PGAP1: variants seen among roughly 807,000 people sequenced by gnomAD.
The protein encoded by PGAP1 is GPI inositol-deacylase.
In PGAP1, 76 loss-of-function variants were observed where a neutral mutation model predicts 127.0. The ratio of observed to expected loss-of-function variants is 0.60; its 90% confidence interval spans 0.50 to 0.72. PGAP1 has a LOEUF of 0.72. Among genes scored for constraint, PGAP1 ranks in the 30% least tolerant of loss-of-function variants. PGAP1 has a pLI of 0.00. For synonymous variants in PGAP1, 362 were observed against 366.5 expected (o/e 0.99, Z 0.14); for missense variants, 982 against 1,071.3 (o/e 0.92, Z 1.16).
At chr2:196,884,203 C>T (rs1486726704) in intron 12 of PGAP1, among the ~76,000 whole-genome samples, 2 of 151,960 alleles carry the variant, frequency 1.3e-5, no homozygotes, top group African/African-American at 2.4e-5. Context: ...TTAATCTATA[C>T]AATTCATCCA....
chr2:196,842,711 A>G lies in PGAP1; in HGVS notation c.2630+10T>C. 7.1e-7 allele frequency: 1 copy of G among 1,414,568 alleles called. No individual in the cohort carries two copies. Among genetic ancestry groups the G allele is most frequent in the Non-Finnish European group, 9.7e-7 (1 of 1,034,214 alleles). 87.6% of individuals were successfully genotyped at this position (1,414,568 alleles called of 1,614,324 possible). ...CAGATATAAGAAAAAGAAAGATTAAACTACTGTACCTTGATTTTATTGAAA... is the reference window on the plus strand; with the variant it reads ...CAGATATAAGAAAAAGAAAGATTAAGCTACTGTACCTTGATTTTATTGAAA... On this transcript the variant is annotated intron_variant, in intron 26 of 26. Coordinates refer to ENST00000354764, the MANE Select transcript of PGAP1 (RefSeq NM_024989.4).
At chr2:196,850,195 G>A (rs188929048) in intron 20 of PGAP1, among the ~76,000 whole-genome samples, 41 of 152,282 alleles carry the variant, frequency 2.7e-4, no homozygotes, top group African/African-American at 9.1e-4. Context: ...GTACCTTGGA[G>A]TACCAGCTGG....
intron 20 of PGAP1, among the ~76,000 whole-genome samples, chr2:196,853,626 C>CT (rs1408806613): frequency 6.6e-6 from 1 of 152,100 alleles, no homozygotes; most frequent in Non-Finnish European, 1.5e-5. Context: ...ACAGACTTTT[C>CT]TTTATCTTTT....
chr2:196,924,540 T>C (rs956335047), intron 1 of PGAP1, among the ~76,000 whole-genome samples: 11 of 152,140 alleles, frequency 7.2e-5, no homozygotes, highest in African/African-American at 2.4e-5. Context: ...GACTTAAGAA[T>C]ACAATATAAA....
Position 196,881,219 on chromosome 2 carries a change from C to T in PGAP1, c.1273-1066G>A, listed in dbSNP as rs1314749367. ...ATGATCTCATTCTTTTTTATGGCTG[C>T]ATAGTATTCCATGGTGTATATGTAA... On this transcript the variant is annotated intron_variant, in intron 12 of 26. Transcript: ENST00000354764. 2.0e-5 allele frequency among the ~76,000 whole-genome samples: 3 copies of T among 152,140 alleles called. No homozygotes were observed. In the East Asian group the frequency reaches 5.8e-4, roughly 29 times the overall value.
At chr2:196,922,609 C>CAT (rs1703237634) in intron 1 of PGAP1, 1 of 767,206 alleles carries the variant, frequency 1.3e-6, no homozygotes, top group Non-Finnish European at 1.6e-6. Flanking sequence ...CACACACACA[C>CAT]ACACACAACA....
At chr2:196,892,254 T>G (rs1702122661) in intron 9 of PGAP1, 92 bp downstream of exon 9, 1 of 615,542 alleles carries the variant, frequency 1.6e-6, no homozygotes, top group African/African-American at 1.9e-5. Flanking sequence ...GGCATGCAGT[T>G]ATCTTGTTTA....
rs1702892919 is a variant in PGAP1, at chr2:196,913,221, GTATACATAC to G, written c.478-177_478-169del. On this transcript the variant is annotated intron_variant, in intron 3 of 26. Coordinates refer to ENST00000354764, the MANE Select transcript of PGAP1 (RefSeq NM_024989.4). Reference sequence around the variant, plus strand: ...ACATTTTCATATAGTTTTAATTAGTGTATACATACTATTTTGTGTTCTGCCAAACATTTT... The same window carrying G: ...ACATTTTCATATAGTTTTAATTAGTGTATTTTGTGTTCTGCCAAACATTTT... Among the ~76,000 whole-genome samples, 4 of 152,164 alleles carry G rather than the reference GTATACATAC, an allele frequency of 2.6e-5. No homozygotes were observed. The South Asian group carries it at 8.3e-4, about 31-fold the overall frequency.
chr2:196,893,670 A>T (rs1559358961), intron 7 of PGAP1, among the ~76,000 whole-genome samples: 1 of 152,214 alleles, frequency 6.6e-6, no homozygotes, highest in Non-Finnish European at 1.5e-5. Context: ...TGATTTCCAA[A>T]TTCAGACTAC....
Position 196,893,205 on chromosome 2 carries a change from T to C in PGAP1, c.968A>G (p.His323Arg), listed in dbSNP as rs1702161496. The C allele has an allele frequency of 1.9e-6, 3 of 1,600,604 alleles. No homozygotes were observed. Among genetic ancestry groups the C allele is most frequent in the Non-Finnish European group, 2.6e-6 (3 of 1,171,416 alleles). The change falls in exon 8 of 27, where the codon CAC (histidine) becomes CGC (arginine). Residue 323 changes from histidine (H) to arginine (R), a missense_variant. His to Arg is a conservative substitution (Grantham distance 29, BLOSUM62 0). Coordinates refer to ENST00000354764, the MANE Select transcript of PGAP1 (RefSeq NM_024989.4). Reference protein sequence around the residue: ...NSKKKLSVLYHHFIRHPSKHF... With the variant: ...NSKKKLSVLYRHFIRHPSKHF... Reference sequence around the variant, plus strand: ...TTTTGATGGGTGTCTTATAAAGTGGTGATACAAAACTGACAGTTTCTTCTT... The same window carrying C: ...TTTTGATGGGTGTCTTATAAAGTGGCGATACAAAACTGACAGTTTCTTCTT...
chr2:196,889,113 G>T (rs1380752438), intron 10 of PGAP1, among the ~76,000 whole-genome samples: 3 of 152,022 alleles, frequency 2.0e-5, no homozygotes, highest in Non-Finnish European at 2.9e-5. Context: ...ACAGAAAAAA[G>T]ATCCTCCCAT....
rs576029523 is a variant in PGAP1, at chr2:196,867,184, A to G, written c.1768-2104T>C. 2.0e-5 allele frequency among the ~76,000 whole-genome samples: 3 copies of G among 152,312 alleles called. No homozygotes were observed. In the South Asian group the frequency reaches 6.2e-4, roughly 32 times the overall value. On this transcript the variant is annotated intron_variant, in intron 19 of 26. Transcript: ENST00000354764. Reference sequence around the variant, plus strand: ...TTCTACTATAAAGACACATGCACACATATGTTTACTGCGGCACTGTTCACA... The same window carrying G: ...TTCTACTATAAAGACACATGCACACGTATGTTTACTGCGGCACTGTTCACA...
chr2:196,861,723 G>A (rs2125790288), intron 20 of PGAP1, among the ~76,000 whole-genome samples: 1 of 152,272 alleles, frequency 6.6e-6, no homozygotes, highest in South Asian at 2.1e-4. Context: ...CATGGCAGAA[G>A]AATGTGGATT....
chr2:196,834,080 C>T lies in PGAP1; in HGVS notation c.*7154G>A, dbSNP rs1048862914. 3.9e-4 allele frequency: 60 copies of T among 151,910 alleles called. No individual in the cohort carries two copies. The highest frequency in any genetic ancestry group is 1.3e-3 in the African/African-American group (56 of 41,500). The allele number at this position is 151,910 out of a possible 1,614,324, so 9.4% of individuals were successfully genotyped here. On this transcript the variant is annotated 3_prime_UTR_variant, in exon 27 of 27. Coordinates refer to ENST00000354764, the MANE Select transcript of PGAP1 (RefSeq NM_024989.4). ...AAGTTCAGAAAGAATGAGCACAAGT[C>T]AAAGAATTCATGTCTTTGACAGATT...
chr2:196,922,031 C>G (rs1411452516), intron 1 of PGAP1: 1 of 605,962 alleles, frequency 1.7e-6, no homozygotes, highest in Non-Finnish European at 2.2e-6. Context: ...GAGCAGGACT[C>G]CAATATAAAT....
rs945802129 is a variant in PGAP1 at position 196,837,112 on chromosome 2, C to T, written c.*4122G>A. On this transcript the variant is annotated 3_prime_UTR_variant, in exon 27 of 27. Coordinates refer to ENST00000354764, the MANE Select transcript of PGAP1 (RefSeq NM_024989.4). ...ACATTATGCTAATTTGGACCTAACA[C>T]CTAAAATGAAAATGTGGGTCAACTG... The T allele has an allele frequency of 1.3e-5, 2 of 152,176 alleles. No homozygotes were observed. Among genetic ancestry groups the T allele is most frequent in the African/African-American group, 4.8e-5 (2 of 41,434 alleles). 9.4% of individuals were successfully genotyped at this position (152,176 alleles called of 1,614,324 possible).
chr2:196,886,321 C>T (rs1219511498), intron 10 of PGAP1, among the ~76,000 whole-genome samples: 4 of 151,600 alleles, frequency 2.6e-5, no homozygotes, highest in South Asian at 2.1e-4. Flanking sequence ...CCACCATGCC[C>T]GGCTAATTTT....
At chr2:196,895,534 T>C (rs1294604728) in intron 7 of PGAP1, among the ~76,000 whole-genome samples, 1 of 152,218 alleles carries the variant, frequency 6.6e-6, no homozygotes, top group Non-Finnish European at 1.5e-5. Flanking sequence ...TTGTGTTGCA[T>C]GACCAAGTCA....
chr2:196,887,947 GT>G (rs1701970712), intron 10 of PGAP1, among the ~76,000 whole-genome samples: 1 of 152,098 alleles, frequency 6.6e-6, no homozygotes. Context: ...TTTGTAAAGG[GT>G]TTTTGCCGCT....
Sources: gnomAD v4.1 joint callset for allele counts (sites outside exome capture counted in the v4.1 genomes callset) on GRCh38, gnomAD v4.1.1 for gene constraint, MANE v1.5 for transcripts, NCBI Gene and HGNC (gene_info 2026-07-23, HGNC 2026-07-21) for gene names.